Variants in MEIS2 observed in about 807,000 individuals in gnomAD.
MEIS2 encodes the protein Meis homeobox 2, also known as homeobox protein Meis2.
Under a neutral mutation model 58.6 loss-of-function variants are expected in MEIS2, and 9 were observed. The ratio of observed to expected loss-of-function variants is 0.15; its 90% CI spans 0.09 to 0.27. The LOEUF (loss-of-function observed/expected upper bound fraction) is 0.27. MEIS2 is among the 10% of genes least tolerant of loss of function. The probability of loss-of-function intolerance (pLI) is 1.00; values close to 1 mark genes in which losing one functional copy is unlikely to be tolerated. For synonymous variants in MEIS2, 221 were observed against 228.4 expected, an observed-to-expected ratio of 0.97 and a Z score of 0.29; for missense variants, 427 against 635.0, an observed-to-expected ratio of 0.67 and a Z score of 3.52.
intron 8 of MEIS2, chr15:37,036,306 T>A (rs2141733756): frequency 6.6e-6 from 1 of 152,132 alleles, no homozygotes; most frequent in South Asian, 2.1e-4. Flanking sequence ...ATTTGTCATA[T>A]AAATACATGA....
chr15:36,933,604 T>C (rs1234636324), intron 9 of MEIS2, among the ~76,000 whole-genome samples: 1 of 17,180 alleles, frequency 5.8e-5, no homozygotes, highest in South Asian at 1.8e-3. Flanking sequence ...GTGTGTGTGG[T>C]GGGGGTGGGC....
At chr15:36,911,683 G>A (rs569672440) in intron 9 of MEIS2, among the ~76,000 whole-genome samples, 4 of 152,254 alleles carry the variant, frequency 2.6e-5, no homozygotes, top group South Asian at 2.1e-4. Flanking sequence ...AGGTCAGCCC[G>A]GCGAAGGGCT....
intron 6 of MEIS2, among the ~76,000 whole-genome samples, chr15:37,092,139 G>A (rs964878324): frequency 1.3e-5 from 2 of 152,130 alleles, no homozygotes; most frequent in African/African-American, 4.8e-5. Context: ...AAAAAGGTAA[G>A]GGTAAAGAGA....
chr15:37,054,272 A>G (rs529202064), intron 7 of MEIS2, among the ~76,000 whole-genome samples: 3 of 152,228 alleles, frequency 2.0e-5, no homozygotes, highest in African/African-American at 7.2e-5. Context: ...CTCTTTCTGT[A>G]TTGACCAGAT....
intron 8 of MEIS2, among the ~76,000 whole-genome samples, chr15:36,985,951 A>G (rs570133288): frequency 2.1e-4 from 32 of 152,302 alleles, no homozygotes; most frequent in African/African-American, 7.0e-4. Flanking sequence ...GAAGCTCTAC[A>G]TGCCTTATAA....
At position 37,096,381 on chromosome 15, in the gene MEIS2, C is replaced by T; in HGVS notation, c.295G>A (p.Ala99Thr). 1 of 1,614,028 alleles carries T rather than the reference C, an allele frequency of 6.2e-7. No homozygotes were observed. The highest frequency in any genetic ancestry group is 8.5e-7 in the Non-Finnish European group (1 of 1,179,988). The change falls in exon 3 of 12, where the codon GCG (alanine) becomes ACG (threonine). Residue 99 changes from alanine to threonine, a missense_variant. Transcript: ENST00000561208. ...LALVFEKCEL[A>T]TCTPREPGVA... is the part of the protein sequence containing the mutation. ...CCAGGTTCCCGGGGAGTGCAGGTCGCCAGCTCGCACTTCTCAAAGACCAGA... is the reference window on the plus strand; with the variant it reads ...CCAGGTTCCCGGGGAGTGCAGGTCGTCAGCTCGCACTTCTCAAAGACCAGA...
intron 1 of MEIS2, 27 bp from the exon 2 acceptor site, chr15:37,098,226 G>A: frequency 2.6e-6 from 4 of 1,561,250 alleles, no homozygotes; most frequent in Non-Finnish European, 3.5e-6. Context: ...AGGGGGAGGG[G>A]GCGCAGGAGG....
intron 8 of MEIS2, among the ~76,000 whole-genome samples, chr15:37,016,005 C>T (rs558308373): frequency 2.6e-5 from 4 of 152,254 alleles, no homozygotes; most frequent in African/African-American, 9.6e-5. Flanking sequence ...GTCCTCCTTT[C>T]CCCCTTCTTT....
intron 9 of MEIS2, among the ~76,000 whole-genome samples, chr15:36,916,065 T>C (rs2057262145): frequency 6.6e-6 from 1 of 152,162 alleles, no homozygotes; most frequent in Non-Finnish European, 1.5e-5. Flanking sequence ...AGGTGTCAGT[T>C]AATGCTCATA....
intron 9 of MEIS2, among the ~76,000 whole-genome samples, chr15:36,904,799 A>G (rs919381338): frequency 3.3e-5 from 5 of 152,210 alleles, no homozygotes; most frequent in African/African-American, 1.2e-4. Flanking sequence ...ATTTATATTG[A>G]CATGACTTTC....
chr15:36,990,294 A>G (rs1346867415), intron 8 of MEIS2, among the ~76,000 whole-genome samples: 1 of 152,172 alleles, frequency 6.6e-6, no homozygotes, highest in African/African-American at 2.4e-5. Context: ...AGTTTGATTT[A>G]AAGTTTAAAT....
intron 6 of MEIS2, among the ~76,000 whole-genome samples, chr15:37,091,545 A>G (rs532094915): frequency 1.8e-4 from 27 of 152,332 alleles, no homozygotes; most frequent in Admixed American, 1.4e-3. Context: ...AAGGAGAGCA[A>G]CAAATGTTAC....
chr15:37,022,815 C>G (rs2061570444), intron 8 of MEIS2, among the ~76,000 whole-genome samples: 1 of 151,842 alleles, frequency 6.6e-6, no homozygotes, highest in Non-Finnish European at 1.5e-5. Context: ...TGCCAGAACA[C>G]CCGGCTAATT....
intron 9 of MEIS2, among the ~76,000 whole-genome samples, chr15:36,927,038 A>T (rs1380055002): frequency 6.6e-6 from 1 of 152,232 alleles, no homozygotes; most frequent in Non-Finnish European, 1.5e-5. Flanking sequence ...GCAAAAATAC[A>T]AACTGTCCAG....
At chr15:36,995,811 A>G (rs1055910928) in intron 8 of MEIS2, among the ~76,000 whole-genome samples, 2 of 145,724 alleles carry the variant, frequency 1.4e-5, no homozygotes, top group African/African-American at 2.5e-5. Context: ...GTTGTGCTTT[A>G]TCATGAGGAA....
At chr15:37,007,864 C>G (rs993770617) in intron 8 of MEIS2, among the ~76,000 whole-genome samples, 1 of 152,082 alleles carries the variant, frequency 6.6e-6, no homozygotes, top group Non-Finnish European at 1.5e-5. Flanking sequence ...ATGCTAACAC[C>G]TAGAATAATG....
chr15:36,912,251 G>C (rs2057066022), intron 9 of MEIS2, among the ~76,000 whole-genome samples: 1 of 152,072 alleles, frequency 6.6e-6, no homozygotes, highest in South Asian at 2.1e-4. Flanking sequence ...ACACACAAGA[G>C]GAACTATTTG....
At chr15:37,022,751 A>T (rs1003514754) in intron 8 of MEIS2, among the ~76,000 whole-genome samples, 1 of 152,050 alleles carries the variant, frequency 6.6e-6, no homozygotes. Flanking sequence ...CAATTCAAGC[A>T]ATTCAAGCAA....
chr15:37,078,712 C>T (rs1891791706), intron 7 of MEIS2, among the ~76,000 whole-genome samples: 2 of 149,828 alleles, frequency 1.3e-5, no homozygotes, highest in African/African-American at 4.9e-5. Context: ...AATTATCAGG[C>T]TAAAACATCT....
Sources: gnomAD v4.1 joint callset for allele counts (sites outside exome capture counted in the v4.1 genomes callset) on GRCh38, gnomAD v4.1.1 for gene constraint, MANE v1.5 for transcripts, NCBI Gene and HGNC (gene_info 2026-07-23, HGNC 2026-07-21) for gene names.